The following TANC2 variants were observed in gnomAD, a reference collection of about 807,000 sequenced individuals.
The protein encoded by TANC2 is protein TANC2.
In TANC2, 26 loss-of-function variants were observed where a neutral mutation model predicts 210.5. That is an observed-to-expected ratio of 0.12 (90% CI 0.09 to 0.17). TANC2 has a LOEUF of 0.17. Among genes scored for constraint, TANC2 ranks in the 10% least tolerant of loss-of-function variants. TANC2 has a pLI of 1.00. For missense variants in TANC2, 2,129 were observed against 2,608.9 expected (o/e 0.82, Z 4.01); for synonymous variants, 931 against 967.1 (o/e 0.96, Z 0.69).
chr17:62,976,847 T>C (rs2143340046), intron 1 of TANC2, among the ~76,000 whole-genome samples: 1 of 152,332 alleles, frequency 6.6e-6, no homozygotes, highest in South Asian at 2.1e-4. Flanking sequence ...TATTTTTACC[T>C]TTCTTAGCAT....
chr17:63,279,548 T>G (rs1378940676), intron 9 of TANC2, among the ~76,000 whole-genome samples: 2 of 152,130 alleles, frequency 1.3e-5, no homozygotes, highest in East Asian at 3.9e-4. Flanking sequence ...TTAAGATATA[T>G]AGAGAGTGTA....
chr17:63,200,967 T>A lies in TANC2; in HGVS notation c.769+10T>A. ...GATAGTGGCATCATTGGTGAGTTGGTTTTTATATTGATAATTTTGTGTCCT... is the reference window on the plus strand; with the variant it reads ...GATAGTGGCATCATTGGTGAGTTGGATTTTATATTGATAATTTTGTGTCCT... On this transcript the variant is annotated intron_variant, in intron 7 of 27. Coordinates refer to ENST00000689528, the Ensembl canonical transcript of TANC2. The A allele has an allele frequency of 6.3e-7, 1 of 1,591,022 alleles. No individual in the cohort carries two copies. Among genetic ancestry groups the A allele is most frequent in the Non-Finnish European group, 8.5e-7 (1 of 1,170,376 alleles).
At chr17:63,325,094 C>T (rs1040292459) in intron 11 of TANC2, among the ~76,000 whole-genome samples, 3 of 151,866 alleles carry the variant, frequency 2.0e-5, no homozygotes, top group African/African-American at 4.8e-5. Flanking sequence ...AGGGGCAAGG[C>T]GGATGTTGTC....
At chr17:62,988,295 C>T (rs2032676838) in intron 1 of TANC2, among the ~76,000 whole-genome samples, 2 of 111,734 alleles carry the variant, frequency 1.8e-5, no homozygotes, top group Non-Finnish European at 1.7e-5. Flanking sequence ...ACCTGGCTAA[C>T]TTTTTTTTTT....
intron 9 of TANC2, among the ~76,000 whole-genome samples, chr17:63,275,297 G>A (rs527899843): frequency 6.6e-6 from 1 of 152,250 alleles, no homozygotes; most frequent in East Asian, 1.9e-4. Flanking sequence ...GAGGCTTTGT[G>A]TTTAGTTATT....
chr17:63,405,324 G>A, intron 20 of TANC2, 69 bp downstream of exon 20: 3 of 1,432,754 alleles, frequency 2.1e-6, no homozygotes, highest in Non-Finnish European at 2.8e-6. Context: ...CTGATGCACA[G>A]AGCAAAATGA....
intron 4 of TANC2, among the ~76,000 whole-genome samples, chr17:63,109,712 T>A (rs1159367276): frequency 6.6e-6 from 1 of 151,788 alleles, no homozygotes; most frequent in Non-Finnish European, 1.5e-5. Flanking sequence ...ACTTAGTGGA[T>A]AGTCAACAGT....
chr17:63,405,390 T>C, intron 20 of TANC2, 135 bp downstream of exon 20: 1 of 943,342 alleles, frequency 1.1e-6, no homozygotes. Context: ...CTTGGACCTT[T>C]GTTATGAGTA....
intron 7 of TANC2, among the ~76,000 whole-genome samples, chr17:63,234,051 A>T (rs1252559045): frequency 6.6e-6 from 1 of 152,234 alleles, no homozygotes; most frequent in Non-Finnish European, 1.5e-5. Flanking sequence ...AGGTATTGCA[A>T]GGACTTTTAT....
intron 4 of TANC2, among the ~76,000 whole-genome samples, chr17:63,115,562 A>G (rs1278705763): frequency 6.6e-6 from 1 of 152,190 alleles, no homozygotes; most frequent in Non-Finnish European, 1.5e-5. Context: ...TACTTGTGAA[A>G]AGTATATGCA....
At chr17:63,280,234 AC>A (rs2044019407) in intron 9 of TANC2, among the ~76,000 whole-genome samples, 1 of 151,942 alleles carries the variant, frequency 6.6e-6, no homozygotes, top group Non-Finnish European at 1.5e-5. Context: ...TTTCTCTCTT[AC>A]CCTCTCCACG....
intron 4 of TANC2, among the ~76,000 whole-genome samples, chr17:63,127,153 A>C (rs528843864): frequency 6.4e-4 from 97 of 152,322 alleles, no homozygotes; most frequent in Admixed American, 4.3e-3. Context: ...GTGTTCAATA[A>C]GGAATTCTTC....
chr17:63,363,210 GA>G (rs1377265810), intron 14 of TANC2, among the ~76,000 whole-genome samples: 4 of 152,136 alleles, frequency 2.6e-5, no homozygotes, highest in Admixed American at 1.3e-4. Context: ...CATATTATTA[GA>G]TTTTTTCCTA....
At chr17:63,147,747 A>T (rs2039511873) in intron 4 of TANC2, among the ~76,000 whole-genome samples, 1 of 152,278 alleles carries the variant, frequency 6.6e-6, no homozygotes, top group Admixed American at 6.5e-5. Context: ...TTGTTGTCTA[A>T]CTTAGACCAT....
chr17:63,402,043 C>A (rs1045638032), intron 19 of TANC2, among the ~76,000 whole-genome samples: 15 of 152,138 alleles, frequency 9.9e-5, no homozygotes, highest in Non-Finnish European at 2.2e-4. Flanking sequence ...GCTTTCTGAC[C>A]TTCATTTACT....
chr17:63,200,355 C>CAAAAAA (rs10598629), intron 6 of TANC2, among the ~76,000 whole-genome samples: 12 of 93,634 alleles, frequency 1.3e-4, no homozygotes, highest in East Asian at 3.2e-4. Context: ...AACTCTGTCT[C>CAAAAAA]AAAAAAAAAA....
rs2048730417 is a variant in TANC2, at chr17:63,412,340, TC to T, written c.3898+211del. ...TCCCCTGTGTCCAGAACCACGTGGT[TC>T]TCTACCATGTCCCTTGTAGCCTTAG... On this transcript the variant is annotated intron_variant, in intron 23 of 27. Coordinates refer to ENST00000689528, the Ensembl canonical transcript of TANC2. This position sits in a 1 kb window ranked among gnomAD's most constrained non-coding sequence, Gnocchi z 4.2. Among the ~76,000 whole-genome samples the T allele has an allele frequency of 1.3e-5, 2 of 152,144 alleles. No individual in the cohort carries two copies. The highest frequency in any genetic ancestry group is 4.8e-5 in the African/African-American group (2 of 41,444).
At chr17:63,047,582 G>A (rs2035431657) in intron 2 of TANC2, among the ~76,000 whole-genome samples, 1 of 152,038 alleles carries the variant, frequency 6.6e-6, no homozygotes, top group Admixed American at 6.6e-5. Context: ...TCGATACTTT[G>A]AGTTTGAGGT....
At chr17:63,179,526 A>G (rs2040705345) in intron 5 of TANC2, among the ~76,000 whole-genome samples, 2 of 152,230 alleles carry the variant, frequency 1.3e-5, no homozygotes, top group African/African-American at 4.8e-5. Context: ...TGTTACAGTC[A>G]TCACTACTAC....
Sources: gnomAD v4.1 joint callset for allele counts (sites outside exome capture counted in the v4.1 genomes callset) on GRCh38, gnomAD v4.1.1 for gene constraint, Gnocchi (gnomAD v3.1) non-coding constraint, MANE v1.5 for transcripts, NCBI Gene and HGNC (gene_info 2026-07-23, HGNC 2026-07-21) for gene names.